Variants in NFX1 observed in about 807,000 individuals in gnomAD.
NFX1 encodes nuclear transcription factor, X-box binding 1, also known as transcriptional repressor NF-X1.
A neutral mutation model predicts 137.2 loss-of-function variants in NFX1; 69 were observed. The ratio of observed to expected loss-of-function variants is 0.50; its 90% CI spans 0.41 to 0.61. NFX1 has a LOEUF of 0.61. Among genes scored for constraint, NFX1 ranks in the 20% least tolerant of loss-of-function variants. The probability of loss-of-function intolerance (pLI) is 0.00; values close to 1 mark genes in which losing one functional copy is unlikely to be tolerated. For missense variants in NFX1, 1,167 were observed against 1,391.0 expected (o/e 0.84, Z 2.56); for synonymous variants, 495 against 474.1 (o/e 1.04, Z -0.57).
chr9:33,307,362 T>A, intron 5 of NFX1, 63 bp downstream of exon 5: 1 of 1,345,548 alleles, frequency 7.4e-7, no homozygotes, highest in Non-Finnish European at 1.1e-6. Flanking sequence ...TGGCTCTAAG[T>A]AAACATACCT....
Position 33,294,770 on chromosome 9 carries a change from G to C in NFX1, c.376G>C (p.Glu126Gln). The change falls in exon 2 of 24, where the codon GAG becomes CAG. Residue 126 changes from glutamate to glutamine, a missense_variant. By Grantham distance (29) the Glu-to-Gln change is conservative. Coordinates refer to ENST00000379540, the MANE Select transcript of NFX1 (RefSeq NM_002504.6). ...AGTCAAGAAAGCACAGAGTCTTGCT[G>C]AGCAGACCTCAGATACAGCTGGATT... The part of the protein sequence containing the change: ...IRVKKAQSLA[E>Q]QTSDTAGLES... The C allele has an allele frequency of 6.2e-7, 1 of 1,614,076 alleles. No individual in the cohort carries two copies. The highest frequency in any genetic ancestry group is 8.5e-7 in the Non-Finnish European group (1 of 1,180,034).
chr9:33,321,230 A>T (rs1822372498), intron 9 of NFX1, among the ~76,000 whole-genome samples: 1 of 152,208 alleles, frequency 6.6e-6, no homozygotes, highest in Non-Finnish European at 1.5e-5. Context: ...AGTAACTGGC[A>T]GTAACAGACC....
chr9:33,366,683 C>A lies in NFX1; in HGVS notation c.3094C>A (p.Arg1032=), dbSNP rs752811815. The change falls in exon 22 of 24, where the codon CGG becomes AGG. Residue 1032 remains arginine (R), a synonymous_variant. Transcript: ENST00000379540. ...CCCTCCCATGAACAGAGACCACCGCCGGATCATCCATGACTTGGCCCAAGT... is the reference window on the plus strand; with the variant it reads ...CCCTCCCATGAACAGAGACCACCGCAGGATCATCCATGACTTGGCCCAAGT... ...SFPPMNRDHR[R]IIHDLAQVYG... 2 of 1,614,042 alleles carry A rather than the reference C, an allele frequency of 1.2e-6. No individual in the cohort carries two copies. Among genetic ancestry groups the A allele is most frequent in the Admixed American group, 3.3e-5 (2 of 60,006 alleles).
chr9:33,368,564 A>G (rs1824236895), intron 23 of NFX1, among the ~76,000 whole-genome samples: 1 of 152,150 alleles, frequency 6.6e-6, no homozygotes, highest in Non-Finnish European at 1.5e-5. Context: ...GTTGTTTGTC[A>G]CTTGTCAGGG....
intron 7 of NFX1, among the ~76,000 whole-genome samples, chr9:33,317,419 C>CA (rs761378780): frequency 0.017 from 891 of 53,868 alleles, 15 homozygotes; most frequent in East Asian, 0.088. Flanking sequence ...GCCCTGTCTC[C>CA]AAAAAAAAAA....
intron 1 of NFX1, 103 bp downstream of exon 1, chr9:33,290,700 C>T: frequency 1.8e-6 from 2 of 1,132,430 alleles, no homozygotes; most frequent in East Asian, 2.4e-5. Flanking sequence ...GAGAGTAGCA[C>T]ATGCTAGGGC....
intron 9 of NFX1, among the ~76,000 whole-genome samples, chr9:33,322,197 T>C (rs912473628): frequency 1.6e-4 from 23 of 139,956 alleles, no homozygotes; most frequent in African/African-American, 6.2e-4. Context: ...TGAGACTCCA[T>C]CTCGAAAAAA....
chr9:33,326,443 G>A (rs1822592875), intron 9 of NFX1, among the ~76,000 whole-genome samples: 1 of 150,274 alleles, frequency 6.7e-6, no homozygotes, highest in Non-Finnish European at 1.5e-5. Flanking sequence ...AAAAAGCTGG[G>A]CACTGTAGCT....
rs772558982 is a variant in NFX1 at position 33,295,277 on chromosome 9, T to A, written c.883T>A (p.Cys295Ser). Residue 295 changes from cysteine (C) to serine (S), a missense_variant, in exon 2 of 24, where the codon TGT becomes AGT. By Grantham distance (112) the Cys-to-Ser change is moderately radical. Around this residue, in one of 3 missense-constraint regions of NFX1, gnomAD observed 367 missense variants for 386.7 expected, o/e 0.95. Coordinates refer to ENST00000379540, the MANE Select transcript of NFX1 (RefSeq NM_002504.6). ...CAATGAAAGACCAGCAAAATCTACC[T>A]GTGACAGTGAGAACTTGGCAGTCAT... ...DLNERPAKST[C>S]DSENLAVINK... 5.6e-6 allele frequency: 9 copies of A among 1,614,072 alleles called. No individual in the cohort carries two copies. Among genetic ancestry groups the A allele is most frequent in the Non-Finnish European group, 7.6e-6 (9 of 1,180,008 alleles).
intron 9 of NFX1, among the ~76,000 whole-genome samples, chr9:33,328,123 A>G (rs1822663804): frequency 6.6e-6 from 1 of 151,288 alleles, no homozygotes; most frequent in African/African-American, 2.4e-5. Flanking sequence ...AGATTTTCCC[A>G]CCTCAGACTC....
chr9:33,343,978 A>G (rs1344699438), intron 13 of NFX1, 91 bp from the exon 14 acceptor site: 5 of 1,551,048 alleles, frequency 3.2e-6, no homozygotes, highest in Non-Finnish European at 4.4e-6. Flanking sequence ...TAAAAATACA[A>G]GCAAAAATGT....
chr9:33,300,603 GA>G (rs1439550807), intron 2 of NFX1, among the ~76,000 whole-genome samples: 4 of 152,202 alleles, frequency 2.6e-5, no homozygotes, highest in East Asian at 1.9e-4. Context: ...TGTGTTTGAG[GA>G]AAAAAATCTG....
intron 9 of NFX1, among the ~76,000 whole-genome samples, chr9:33,321,866 G>T (rs549732508): frequency 6.7e-6 from 1 of 149,198 alleles, no homozygotes; most frequent in Non-Finnish European, 1.5e-5. Context: ...CTGACAGAGT[G>T]AGACCCTGTC....
intron 11 of NFX1, among the ~76,000 whole-genome samples, chr9:33,334,991 A>G (rs1432052440): frequency 6.6e-6 from 1 of 152,160 alleles, no homozygotes; most frequent in African/African-American, 2.4e-5. Context: ...GTTTTCATCC[A>G]TCCCTCCTTC....
chr9:33,331,933 C>T (rs934179197), intron 10 of NFX1, among the ~76,000 whole-genome samples: 13 of 152,128 alleles, frequency 8.5e-5, no homozygotes, highest in African/African-American at 2.2e-4. Context: ...CCTTTTAGAC[C>T]ACTCACATGT....
chr9:33,320,818 T>C (rs1441221980), intron 9 of NFX1, among the ~76,000 whole-genome samples: 1 of 152,244 alleles, frequency 6.6e-6, no homozygotes, highest in African/African-American at 2.4e-5. Context: ...CTAGAATCTT[T>C]AGGTTTGGTT....
At chr9:33,294,368 T>G in intron 1 of NFX1, 52 bp from the exon 2 acceptor site, 1 of 1,482,496 alleles carries the variant, frequency 6.7e-7, no homozygotes, top group Non-Finnish European at 9.0e-7. Context: ...TCTATGAGTT[T>G]CATGGATGAA....
At chr9:33,292,144 G>C (rs1477490604) in intron 1 of NFX1, among the ~76,000 whole-genome samples, 1 of 152,166 alleles carries the variant, frequency 6.6e-6, no homozygotes, top group Non-Finnish European at 1.5e-5. Context: ...GTGAGTCTTC[G>C]TGTTGAACTT....
In NFX1 at chr9:33,351,546, T is replaced by A. The variant is rs1268473685; in HGVS notation, c.2425-14T>A. 1 of 1,612,810 alleles carries A rather than the reference T, an allele frequency of 6.2e-7. No homozygotes were observed. The highest frequency in any genetic ancestry group is 1.1e-5 in the South Asian group (1 of 91,044). ...ACATGGAGATGAGAATCTGGCTACT[T>A]CTGTCTCTCCTAGTTTCGGAGCAAC... On this transcript the variant is annotated splice_polypyrimidine_tract_variant and intron_variant, in intron 15 of 23. Coordinates refer to ENST00000379540, the MANE Select transcript of NFX1 (RefSeq NM_002504.6).
Sources: gnomAD v4.1 joint callset for allele counts (sites outside exome capture counted in the v4.1 genomes callset) on GRCh38, gnomAD v4.1.1 for gene constraint, gnomAD v4.1.1 regional missense constraint, MANE v1.5 for transcripts, NCBI Gene and HGNC (gene_info 2026-07-23, HGNC 2026-07-21) for gene names.